NCALD: variants seen among roughly 807,000 people sequenced by gnomAD.
NCALD encodes the protein neurocalcin-delta.
In NCALD, 10 loss-of-function variants were observed where a neutral mutation model predicts 18.6. That is an observed-to-expected ratio of 0.54 (90% CI 0.33 to 0.91). NCALD has a LOEUF of 0.91. Among genes scored for constraint, NCALD ranks in the 40% least tolerant of loss-of-function variants. NCALD has a pLI of 0.03. For missense variants in NCALD, 184 were observed against 247.6 expected (o/e 0.74, Z 1.72); for synonymous variants, 88 against 87.4 (o/e 1.01, Z -0.04).
intron 1 of NCALD, among the ~76,000 whole-genome samples, chr8:102,061,235 G>T (rs1015599794): frequency 1.3e-5 from 2 of 152,224 alleles, no homozygotes; most frequent in Admixed American, 6.5e-5. Flanking sequence ...GAGAACTGCA[G>T]ACACCCACTT....
intron 4 of NCALD, among the ~76,000 whole-genome samples, chr8:101,873,290 C>T (rs1401872995): frequency 6.6e-6 from 1 of 152,192 alleles, no homozygotes; most frequent in Non-Finnish European, 1.5e-5. Flanking sequence ...TTTTTCTTTC[C>T]TCCCAAGGTC....
chr8:101,792,188 A>G (rs1360864116), upstream of NCALD, among the ~76,000 whole-genome samples: 1 of 152,198 alleles, frequency 6.6e-6, no homozygotes, highest in African/African-American at 2.4e-5. Context: ...ATAAATAAAT[A>G]AATAAAAAAG....
intron 2 of NCALD, among the ~76,000 whole-genome samples, chr8:101,952,459 T>G (rs923350891): frequency 6.6e-6 from 1 of 152,180 alleles, no homozygotes; most frequent in Non-Finnish European, 1.5e-5. Context: ...TTTTGGGGGC[T>G]GCAGGCACTA....
chr8:102,040,108 A>G (rs1232103953), intron 1 of NCALD, among the ~76,000 whole-genome samples: 1 of 152,208 alleles, frequency 6.6e-6, no homozygotes, highest in Non-Finnish European at 1.5e-5. Flanking sequence ...GGGGTTTGTG[A>G]GCATTAAATG....
chr8:101,999,440 G>A (rs971134598), intron 2 of NCALD, among the ~76,000 whole-genome samples: 2 of 152,178 alleles, frequency 1.3e-5, no homozygotes, highest in Non-Finnish European at 2.9e-5. Flanking sequence ...AACATCATAT[G>A]TTCTCACGCG....
intron 2 of NCALD, among the ~76,000 whole-genome samples, chr8:101,989,083 T>G (rs1449149926): frequency 6.6e-6 from 1 of 152,166 alleles, no homozygotes; most frequent in Non-Finnish European, 1.5e-5. Flanking sequence ...ATTAAATATT[T>G]CTAATTAATT....
intron 2 of NCALD, among the ~76,000 whole-genome samples, chr8:102,003,069 C>T (rs892181253): frequency 6.6e-6 from 1 of 151,968 alleles, no homozygotes; most frequent in Non-Finnish European, 1.5e-5. Context: ...AAAAAACCTT[C>T]AAAAAATCAA....
intron 2 of NCALD, among the ~76,000 whole-genome samples, chr8:101,711,449 A>G (rs1173374537): frequency 6.6e-6 from 1 of 152,076 alleles, no homozygotes; most frequent in Non-Finnish European, 1.5e-5. Flanking sequence ...AGGCTTCAGA[A>G]GGTGGGTAAT....
At chr8:101,853,392 T>A (rs1367494359) in intron 4 of NCALD, among the ~76,000 whole-genome samples, 1 of 151,998 alleles carries the variant, frequency 6.6e-6, no homozygotes, top group East Asian at 1.9e-4. Context: ...TAAAAATAAA[T>A]GAGAAGAAGT....
chr8:101,695,652 T>C (rs1158726821), intron 2 of NCALD, among the ~76,000 whole-genome samples: 1 of 152,122 alleles, frequency 6.6e-6, no homozygotes, highest in Non-Finnish European at 1.5e-5. Context: ...CCTTCTTCTA[T>C]TGCTATGTGC....
At chr8:101,994,052 C>A (rs1821148088) in intron 2 of NCALD, among the ~76,000 whole-genome samples, 1 of 152,206 alleles carries the variant, frequency 6.6e-6, no homozygotes, top group South Asian at 2.1e-4. Context: ...GTTATGTTCA[C>A]CAAAGCAATT....
intron 1 of NCALD, among the ~76,000 whole-genome samples, chr8:102,033,131 C>A (rs994330483): frequency 1.3e-5 from 2 of 152,036 alleles, no homozygotes; most frequent in African/African-American, 2.4e-5. Flanking sequence ...CATTGTGGCA[C>A]CCCTCAAGAC....
chr8:102,016,094 C>A (rs536813847), intron 2 of NCALD, among the ~76,000 whole-genome samples: 1 of 152,090 alleles, frequency 6.6e-6, no homozygotes, highest in Non-Finnish European at 1.5e-5. Context: ...AAGGTCCAAG[C>A]AAAAATCCAC....
Position 102,075,054 on chromosome 8 carries a change from C to T in NCALD, c.-210+49183G>A, listed in dbSNP as rs765436865. On this transcript the variant is annotated intron_variant, in intron 1 of 6. Transcript: ENST00000311028. The stretch of plus-strand genomic sequence containing the variant: ...GGGGAAAAGACAACATCACAGACTT[C>T]TGCTTACTTTATATTGGTCAGAACT... 1.6e-3 allele frequency among the ~76,000 whole-genome samples: 237 copies of T among 152,306 alleles called. 1 individual carries two copies. Among genetic ancestry groups the T allele is most frequent in the Non-Finnish European group, 1.7e-3 (118 of 68,012 alleles).
intron 3 of NCALD, among the ~76,000 whole-genome samples, chr8:101,910,395 G>A (rs535428402): frequency 1.7e-4 from 24 of 138,796 alleles, no homozygotes; most frequent in African/African-American, 6.9e-4. Context: ...GGAGAGCTCA[G>A]AATGAGAGGA....
intron 4 of NCALD, among the ~76,000 whole-genome samples, chr8:101,853,401 G>A (rs1005075830): frequency 6.6e-6 from 1 of 152,116 alleles, no homozygotes; most frequent in South Asian, 2.1e-4. Flanking sequence ...ATGAGAAGAA[G>A]TGAAACACCT....
intron 1 of NCALD, among the ~76,000 whole-genome samples, chr8:101,766,798 C>T (rs1242498596): frequency 2.6e-5 from 4 of 152,150 alleles, no homozygotes; most frequent in Admixed American, 2.0e-4. Flanking sequence ...AGGCTGGTCT[C>T]GAACTTCTGA....
chr8:102,124,895 C>T (rs939693598), upstream of NCALD: 3 of 152,144 alleles, frequency 2.0e-5, no homozygotes, highest in African/African-American at 7.2e-5. Flanking sequence ...AGGAAGACAT[C>T]TAAGGGGCCC....
At chr8:101,691,076 G>A (rs1814707711) in intron 3 of NCALD, 1 of 985,408 alleles carries the variant, frequency 1.0e-6, no homozygotes. Flanking sequence ...TCTAAGGGTA[G>A]GAGACTCTAG....
Sources: gnomAD v4.1 joint callset for allele counts (sites outside exome capture counted in the v4.1 genomes callset) on GRCh38, gnomAD v4.1.1 for gene constraint, MANE v1.5 for transcripts, NCBI Gene and HGNC (gene_info 2026-07-23, HGNC 2026-07-21) for gene names.